Variants in CCDC141 observed in about 807,000 individuals in gnomAD.
The protein encoded by CCDC141 is coiled-coil domain-containing protein 141.
Under a neutral mutation model 181.0 loss-of-function variants are expected in CCDC141, and 168 were observed. The observed-to-expected ratio is 0.93, with a 90% confidence interval of 0.82 to 1.05. CCDC141 has a LOEUF of 1.05. CCDC141 is among the 50% of genes least tolerant of loss of function. The pLI is 0.00. For synonymous variants in CCDC141, 666 were observed against 642.3 expected, an observed-to-expected ratio of 1.04 and a Z score of -0.56; for missense variants, 1,902 against 1,788.5, an observed-to-expected ratio of 1.06 and a Z score of -1.14.
chr2:178,855,635 G>T (rs961670402), intron 18 of CCDC141, 94 bp from the exon 19 acceptor site: 14 of 721,144 alleles, frequency 1.9e-5, no homozygotes, highest in Non-Finnish European at 3.0e-5. Flanking sequence ...TAAAAATTTT[G>T]CAGCTTCCTC....
chr2:178,986,658 T>A (rs1276264638), intron 2 of CCDC141, among the ~76,000 whole-genome samples: 1 of 151,606 alleles, frequency 6.6e-6, no homozygotes, highest in East Asian at 1.9e-4. Flanking sequence ...TCACAAGCAT[T>A]CCTATACACC....
At chr2:178,913,636 G>A (rs1020908751) in intron 7 of CCDC141, among the ~76,000 whole-genome samples, 1 of 152,118 alleles carries the variant, frequency 6.6e-6, no homozygotes, top group African/African-American at 2.4e-5. Flanking sequence ...TCTTGAAAAA[G>A]CAACATCATC....
intron 6 of CCDC141, among the ~76,000 whole-genome samples, chr2:178,920,987 G>A (rs924849451): frequency 6.6e-6 from 1 of 152,090 alleles, no homozygotes; most frequent in African/African-American, 2.4e-5. Flanking sequence ...TATTGACATA[G>A]GTTCAGAAGA....
At chr2:178,896,979 C>T (rs1032798410) in intron 8 of CCDC141, among the ~76,000 whole-genome samples, 1 of 151,802 alleles carries the variant, frequency 6.6e-6, no homozygotes, top group African/African-American at 2.4e-5. Flanking sequence ...ACCCCCTCCT[C>T]CAGCCACACC....
chr2:178,823,711 T>C, the CCDC141 span, among the ~76,000 whole-genome samples: 1 of 152,196 alleles, frequency 6.6e-6, no homozygotes. Flanking sequence ...CAATGAAGAA[T>C]TTAAATGAAT....
chr2:179,024,901 C>T (rs993160152), intron 2 of CCDC141, among the ~76,000 whole-genome samples: 5 of 152,030 alleles, frequency 3.3e-5, no homozygotes, highest in Non-Finnish European at 7.4e-5. Flanking sequence ...AGAATTACTG[C>T]AAAAACTTTT....
chr2:178,901,060 C>A (rs921100718), intron 8 of CCDC141, among the ~76,000 whole-genome samples: 1 of 152,104 alleles, frequency 6.6e-6, no homozygotes, highest in African/African-American at 2.4e-5. Flanking sequence ...TGGGTCAAGG[C>A]ATCTCGAATT....
rs1684908886 is a variant in CCDC141 at position 178,845,713 on chromosome 2, A to G, written c.3387T>C (p.Asn1129=). The change falls in exon 22 of 24, where the codon AAT becomes AAC. Residue 1129 remains asparagine (N), a synonymous_variant. Transcript: ENST00000443758. ...TGTAATCATAATGGAAGTCTTCCAA[A>G]TTCGGATTCATCTTTAAAACATCTC... ...KQGDVLKMNP[N]LEDFHYDYID... 6.2e-7 allele frequency: 1 copy of G among 1,611,474 alleles called. No homozygotes were observed.
In CCDC141 at chr2:178,922,352, A is replaced by T. The variant is rs79885225; in HGVS notation, c.898-3445T>A. ...CAACATTAGTAAGAGAAAGAGCCAA[A>T]TTTCAAACTCAGGTAGTTTGACTCT... On this transcript the variant is annotated intron_variant, in intron 6 of 23. Coordinates refer to ENST00000443758, the MANE Select transcript of CCDC141 (RefSeq NM_173648.4). 8.7e-3 allele frequency among the ~76,000 whole-genome samples: 1,325 copies of T among 152,304 alleles called. 24 individuals are homozygous for T. Among genetic ancestry groups the T allele is most frequent in the African/African-American group, 0.031 (1,274 of 41,558 alleles).
chr2:178,987,144 A>T lies in CCDC141; in HGVS notation c.226-8469T>A, dbSNP rs1359978455. 4.3e-5 allele frequency among the ~76,000 whole-genome samples: 5 copies of T among 115,782 alleles called. 2 individuals are homozygous for T. The highest frequency in any genetic ancestry group is 8.8e-5 in the Non-Finnish European group (5 of 57,034). The allele number at this position is 115,782 out of a possible 152,430, so 76.0% of individuals were successfully genotyped here. A position where few individuals can be genotyped will look rare whatever the true frequency, so the allele number is the denominator to read the frequency against. ...GATATAGATCAATGGAACAGAACAC[A>T]GCCCTCAGAAATAATGCCGCATATC... On this transcript the variant is annotated intron_variant, in intron 2 of 23. Transcript: ENST00000443758.
rs1320344009 is a variant in CCDC141 at position 178,845,743 on chromosome 2, C to T, written c.3358-1G>A. ...GATTCATCTTTAAAACATCTCCCTG[C>T]TGTACAAAGCAACAGTTAGTGAGAG... On this transcript the variant is annotated splice_acceptor_variant, in intron 21 of 23. Transcript: ENST00000443758. LOFTEE classifies it high-confidence loss of function. 1.3e-6 allele frequency: 2 copies of T among 1,558,714 alleles called. No individual in the cohort carries two copies. The highest frequency in any genetic ancestry group is 1.8e-6 in the Non-Finnish European group (2 of 1,129,828).
chr2:178,976,236 A>G (rs1167666841), intron 3 of CCDC141, among the ~76,000 whole-genome samples: 1 of 152,208 alleles, frequency 6.6e-6, no homozygotes, highest in East Asian at 1.9e-4. Context: ...GAGCATTTTA[A>G]TATATCCACC....
chr2:178,947,509 T>C, intron 5 of CCDC141, among the ~76,000 whole-genome samples: 1 of 152,220 alleles, frequency 6.6e-6, no homozygotes, highest in Non-Finnish European at 1.5e-5. Context: ...GAGCAATGTG[T>C]TCATGGTCAT....
chr2:178,961,811 G>A (rs1040083596), intron 4 of CCDC141, among the ~76,000 whole-genome samples: 2 of 152,196 alleles, frequency 1.3e-5, no homozygotes, highest in African/African-American at 4.8e-5. Flanking sequence ...TGCTGGGTGA[G>A]TGTTCTACAT....
chr2:178,839,412 CAAA>C (rs35187942), intron 22 of CCDC141, among the ~76,000 whole-genome samples: 11 of 129,740 alleles, frequency 8.5e-5, no homozygotes, highest in Admixed American at 3.8e-4. Context: ...GACTCTGTCT[CAAA>C]AAAAAAAAAA....
At chr2:178,836,160 A>G (rs1036598227) in intron 23 of CCDC141, 1 of 152,520 alleles carries the variant, frequency 6.6e-6, no homozygotes, top group South Asian at 2.1e-4. Flanking sequence ...AAAGTAACCC[A>G]CATATTGAGA....
intron 2 of CCDC141, among the ~76,000 whole-genome samples, chr2:178,982,583 AG>A (rs1413098196): frequency 6.6e-6 from 1 of 152,206 alleles, no homozygotes; most frequent in Non-Finnish European, 1.5e-5. Flanking sequence ...AGTGCCAGAC[AG>A]GGGGCGCAGG....
At chr2:178,920,075 A>T (rs1177092370) in intron 6 of CCDC141, among the ~76,000 whole-genome samples, 2 of 152,212 alleles carry the variant, frequency 1.3e-5, no homozygotes, top group African/African-American at 4.8e-5. Context: ...AAAAGTCCTG[A>T]AGTCAGACCC....
intron 5 of CCDC141, among the ~76,000 whole-genome samples, chr2:178,950,390 A>T (rs1689904943): frequency 6.6e-6 from 1 of 152,186 alleles, no homozygotes; most frequent in Non-Finnish European, 1.5e-5. Flanking sequence ...GTATTAGACA[A>T]TACAGTCAAA....
Sources: gnomAD v4.1 joint callset for allele counts (sites outside exome capture counted in the v4.1 genomes callset) on GRCh38, gnomAD v4.1.1 for gene constraint, MANE v1.5 for transcripts, NCBI Gene and HGNC (gene_info 2026-07-23, HGNC 2026-07-21) for gene names.